The following CHUK variants were observed in gnomAD, a reference collection of about 807,000 sequenced individuals.
The protein encoded by CHUK is inhibitor of nuclear factor kappa-B kinase subunit alpha.
In CHUK, 35 loss-of-function variants were observed where a neutral mutation model predicts 104.8. The ratio of observed to expected loss-of-function variants is 0.33; its 90% confidence interval spans 0.26 to 0.44. The LOEUF (loss-of-function observed/expected upper bound fraction) is 0.44, where lower values mean the gene tolerates loss of function less well. Ranked by LOEUF, CHUK falls within the 20% of genes least tolerant of loss-of-function variation. The pLI is 1.00. For synonymous variants in CHUK, 276 were observed against 291.9 expected (o/e 0.95, Z 0.56); for missense variants, 663 against 902.7 (o/e 0.73, Z 3.40).
intron 16 of CHUK, among the ~76,000 whole-genome samples, chr10:100,196,516 T>A (rs1303579254): frequency 6.6e-6 from 1 of 151,856 alleles, no homozygotes; most frequent in Non-Finnish European, 1.5e-5. Context: ...GCCTCCTGAG[T>A]AGCTGGGACT....
chr10:100,207,479 T>G, intron 10 of CHUK, 147 bp from the exon 11 acceptor site: 1 of 599,416 alleles, frequency 1.7e-6, no homozygotes, highest in Non-Finnish European at 3.0e-6. Flanking sequence ...GATAACAGAG[T>G]CCAAACTTTT....
intron 2 of CHUK, 97 bp from the exon 3 acceptor site, chr10:100,223,077 G>A (rs1846026995): frequency 1.5e-6 from 1 of 679,438 alleles, no homozygotes; most frequent in Non-Finnish European, 2.7e-6. Flanking sequence ...ATGAACAGAG[G>A]GGGAAAGATC....
chr10:100,201,679 A>T (rs1845465789), intron 14 of CHUK, among the ~76,000 whole-genome samples: 1 of 151,984 alleles, frequency 6.6e-6, no homozygotes, highest in African/African-American at 2.4e-5. Context: ...ACATAGTGAG[A>T]CCCCGTCTCT....
chr10:100,201,964 C>T, intron 14 of CHUK, 124 bp downstream of exon 14: 1 of 776,046 alleles, frequency 1.3e-6, no homozygotes, highest in Admixed American at 1.9e-5. Flanking sequence ...AAAGCATCTA[C>T]TAGAATTTTG....
intron 1 of CHUK, among the ~76,000 whole-genome samples, chr10:100,228,665 A>C (rs1288904582): frequency 6.6e-6 from 1 of 152,162 alleles, no homozygotes; most frequent in Non-Finnish European, 1.5e-5. Context: ...AAAAACAAAA[A>C]CAAACAAACA....
chr10:100,205,872 G>A (rs372844686), intron 11 of CHUK, among the ~76,000 whole-genome samples: 49 of 152,328 alleles, frequency 3.2e-4, no homozygotes, highest in African/African-American at 1.1e-3. Flanking sequence ...GGGTTGCAGT[G>A]AGCCAAGATT....
At chr10:100,201,987 G>A in intron 14 of CHUK, 101 bp downstream of exon 14, 1 of 884,886 alleles carries the variant, frequency 1.1e-6, no homozygotes, top group Admixed American at 1.8e-5. Context: ...TGAATTTCAG[G>A]AATGACATGA....
intron 9 of CHUK, among the ~76,000 whole-genome samples, chr10:100,213,591 G>A (rs1426756859): frequency 6.6e-6 from 1 of 152,100 alleles, no homozygotes; most frequent in Non-Finnish European, 1.5e-5. Flanking sequence ...GTGCGATCTT[G>A]GTTCAATGCA....
chr10:100,207,690 C>CATTGTAATATATATATTACAAGACTATAT lies in CHUK; in HGVS notation c.1129-359_1129-358insATATAGTCTTGTAATATATATATTACAAT, dbSNP rs1184837232. Among the ~76,000 whole-genome samples the CATTGTAATATATATATTACAAGACTATAT allele has an allele frequency of 2.6e-5, 4 of 152,270 alleles. No homozygotes were observed. The East Asian group carries it at 7.7e-4, about 29-fold the overall frequency. ...AAGTCAGACACAAGACTATATATTA[C>CATTGTAATATATATATTACAAGACTATAT]ATAATTCCATTTATATGGAATGTTC... On this transcript the variant is annotated intron_variant, in intron 10 of 20. Coordinates refer to ENST00000370397, the MANE Select transcript of CHUK (RefSeq NM_001278.5).
intron 16 of CHUK, among the ~76,000 whole-genome samples, chr10:100,197,878 C>T (rs1464570050): frequency 2.0e-5 from 3 of 151,698 alleles, no homozygotes; most frequent in Non-Finnish European, 4.4e-5. Flanking sequence ...AACCAAAAAA[C>T]GATATTTTCT....
At chr10:100,205,860 G>T (rs994183214) in intron 11 of CHUK, among the ~76,000 whole-genome samples, 1 of 152,200 alleles carries the variant, frequency 6.6e-6, no homozygotes, top group Non-Finnish European at 1.5e-5. Context: ...CCCGGGAGGT[G>T]GGGGTTGCAG....
At chr10:100,205,564 C>T (rs1845570656) in intron 11 of CHUK, among the ~76,000 whole-genome samples, 1 of 152,136 alleles carries the variant, frequency 6.6e-6, no homozygotes, top group Non-Finnish European at 1.5e-5. Context: ...AATCAAGTCC[C>T]ATCTCCTCTG....
At chr10:100,188,141 T>C (rs1309319512), downstream of CHUK, 1 of 152,200 alleles carries the variant, frequency 6.6e-6, no homozygotes, top group African/African-American at 2.4e-5. Flanking sequence ...AGGGCAAGAA[T>C]CGAGCATGTT....
chr10:100,223,077 G>C, intron 2 of CHUK, 97 bp from the exon 3 acceptor site: 1 of 679,438 alleles, frequency 1.5e-6, no homozygotes, highest in Non-Finnish European at 2.7e-6. Context: ...ATGAACAGAG[G>C]GGGAAAGATC....
chr10:100,198,421 C>A (rs1272787981), intron 16 of CHUK, among the ~76,000 whole-genome samples: 1 of 152,180 alleles, frequency 6.6e-6, no homozygotes, highest in Admixed American at 6.5e-5. Flanking sequence ...GTGAAACTGT[C>A]ATTTTTTAAA....
intron 14 of CHUK, among the ~76,000 whole-genome samples, chr10:100,201,076 A>C (rs1302719067): frequency 2.0e-5 from 3 of 152,160 alleles, no homozygotes; most frequent in Admixed American, 1.3e-4. Context: ...ATCAACTAAC[A>C]AGAAAGAAAA....
Position 100,218,075 on chromosome 10 carries a change from G to A in CHUK, c.853C>T (p.Gln285Ter), listed in dbSNP as rs750206410. 6.2e-7 allele frequency: 1 copy of A among 1,613,196 alleles called. No individual in the cohort carries two copies. ...WLQLMLNWDP[Q>*]QRGGPVDLTL... ...AGGTCAACAGGTCCTCCTCTCTGCT[G>A]AGGGTCCCAATTCAACATCAACTGT... Residue 285 changes from glutamine to a stop codon, truncating the protein, a stop_gained, in exon 9 of 21, where the codon CAG (glutamine) becomes TAG (stop). Transcript: ENST00000370397. LOFTEE classifies it high-confidence loss of function.
At chr10:100,195,190 A>G (rs555072178) in intron 16 of CHUK, 3 of 152,216 alleles carry the variant, frequency 2.0e-5, no homozygotes, top group Non-Finnish European at 4.4e-5. Flanking sequence ...ATTAATTGTT[A>G]TATTTCAGAA....
At chr10:100,217,870 CT>C in intron 9 of CHUK, 124 bp downstream of exon 9, 1 of 1,044,758 alleles carries the variant, frequency 9.6e-7, no homozygotes, top group Non-Finnish European at 1.4e-6. Context: ...GAGTGAGACC[CT>C]GTCTCAAAAT....
Sources: gnomAD v4.1 joint callset for allele counts (sites outside exome capture counted in the v4.1 genomes callset) on GRCh38, gnomAD v4.1.1 for gene constraint, MANE v1.5 for transcripts, NCBI Gene and HGNC (gene_info 2026-07-23, HGNC 2026-07-21) for gene names.